The following NDC1 variants were observed in gnomAD, a reference collection of about 807,000 sequenced individuals.
NDC1 encodes the protein nucleoporin NDC1.
In NDC1, 24 loss-of-function variants were observed where a neutral mutation model predicts 89.8. That is an observed-to-expected ratio of 0.27 (90% CI 0.19 to 0.38). The LOEUF is 0.38. NDC1 is among the 10% of genes least tolerant of loss of function. The probability of loss-of-function intolerance (pLI) is 1.00; values close to 1 mark genes in which losing one functional copy is unlikely to be tolerated. For synonymous variants in NDC1, 296 were observed against 284.8 expected (o/e 1.04, Z -0.39); for missense variants, 728 against 797.6 (o/e 0.91, Z 1.05).
intron 16 of NDC1, among the ~76,000 whole-genome samples, chr1:53,785,711 T>C (rs1647286067): frequency 6.6e-6 from 1 of 152,064 alleles, no homozygotes; most frequent in South Asian, 2.1e-4. Context: ...TAGCTGGGAC[T>C]ATAGGTGCGC....
chr1:53,769,722 G>T (rs575574517), intron 17 of NDC1, among the ~76,000 whole-genome samples: 1 of 152,244 alleles, frequency 6.6e-6, no homozygotes, highest in African/African-American at 2.4e-5. Context: ...ACTGCACAGT[G>T]GGCTTTACCT....
chr1:53,777,654 A>G (rs1647173204), intron 16 of NDC1, among the ~76,000 whole-genome samples: 1 of 152,322 alleles, frequency 6.6e-6, no homozygotes, highest in East Asian at 1.9e-4. Context: ...GACTTTTCTC[A>G]CTTTAATTGC....
intron 11 of NDC1, among the ~76,000 whole-genome samples, chr1:53,799,211 T>C: frequency 6.6e-6 from 1 of 152,220 alleles, no homozygotes; most frequent in East Asian, 1.9e-4. Context: ...GGACTCCTTT[T>C]GGACAGATTT....
chr1:53,789,314 A>G (rs553658738), intron 14 of NDC1, 118 bp from the exon 15 acceptor site: 1 of 611,822 alleles, frequency 1.6e-6, no homozygotes, highest in African/African-American at 1.9e-5. Context: ...TCAAGAATTA[A>G]AATTTAAAAT....
intron 5 of NDC1, 50 bp from the exon 6 acceptor site, chr1:53,819,129 C>T (rs1352240344): frequency 1.2e-6 from 1 of 830,736 alleles, no homozygotes; most frequent in South Asian, 1.6e-5. Flanking sequence ...TCAAATGATA[C>T]ACTCAACATC....
At chr1:53,800,655 T>A in intron 11 of NDC1, 38 bp downstream of exon 11, 2 of 1,605,764 alleles carry the variant, frequency 1.2e-6, no homozygotes, top group Non-Finnish European at 1.7e-6. Context: ...GGAAATAAAA[T>A]GTAAATGTTT....
At chr1:53,800,594 G>A (rs1269402018) in intron 11 of NDC1, 99 bp downstream of exon 11, 6 of 1,337,728 alleles carry the variant, frequency 4.5e-6, no homozygotes, top group Non-Finnish European at 5.3e-6. Flanking sequence ...CAAAGTGCGG[G>A]GATAACAGGC....
intron 10 of NDC1, among the ~76,000 whole-genome samples, chr1:53,802,874 A>AT (rs984160450): frequency 6.6e-6 from 1 of 151,586 alleles, no homozygotes. Flanking sequence ...TTTCTTCCTA[A>AT]TTTTTTTTTA....
chr1:53,775,460 T>C (rs1358729988), intron 16 of NDC1, among the ~76,000 whole-genome samples: 1 of 152,086 alleles, frequency 6.6e-6, no homozygotes, highest in Admixed American at 6.5e-5. Context: ...GGTTTCACCA[T>C]ATTGGCCAGG....
At chr1:53,800,880 T>C in intron 10 of NDC1, 32 bp from the exon 11 acceptor site, 2 of 1,534,702 alleles carry the variant, frequency 1.3e-6, no homozygotes, top group South Asian at 2.6e-5. Context: ...TTTTAAAATG[T>C]AAATAATCTT....
intron 11 of NDC1, among the ~76,000 whole-genome samples, chr1:53,798,173 TA>T (rs1272789012): frequency 6.8e-6 from 1 of 147,052 alleles, no homozygotes; most frequent in African/African-American, 2.5e-5. Flanking sequence ...TTATTATTAT[TA>T]TTATTATTAT....
chr1:53,773,992 C>T (rs1350539258), intron 16 of NDC1, among the ~76,000 whole-genome samples: 1 of 152,190 alleles, frequency 6.6e-6, no homozygotes, highest in Non-Finnish European at 1.5e-5. Context: ...TCTAGAGTTA[C>T]TTGGTGCTTC....
chr1:53,812,748 C>T (rs1648352979), intron 6 of NDC1, among the ~76,000 whole-genome samples: 1 of 152,182 alleles, frequency 6.6e-6, no homozygotes, highest in Admixed American at 6.5e-5. Context: ...ACAAGAAGCA[C>T]CAAAGAACAC....
intron 8 of NDC1, 118 bp downstream of exon 8, chr1:53,807,538 G>A: frequency 1.3e-6 from 1 of 747,086 alleles, no homozygotes; most frequent in Non-Finnish European, 2.1e-6. Flanking sequence ...TCAGAAGAGA[G>A]ACCAAAAACC....
chr1:53,811,797 A>G (rs1471211089), intron 6 of NDC1, among the ~76,000 whole-genome samples: 1 of 152,094 alleles, frequency 6.6e-6, no homozygotes, highest in Non-Finnish European at 1.5e-5. Context: ...AGGAGGCCCA[A>G]TCAGCACAAA....
rs182959610 is a variant in NDC1, at chr1:53,837,183, T to C, written c.57+1022A>G. On this transcript the variant is annotated intron_variant, in intron 1 of 17. Transcript: ENST00000371429. ...GATGGCATGCACCTGATGTCCCAAA[T>C]AGTTAGGCGGCTGAGGCAGGAGGAC... is the stretch of plus-strand genomic sequence containing the variant. Among the ~76,000 whole-genome samples, 58 of 152,214 alleles carry C rather than the reference T, an allele frequency of 3.8e-4. No homozygotes were observed. The South Asian group carries it at 6.8e-3, about 18-fold the overall frequency.
rs1647062366 is a variant in NDC1, at chr1:53,765,970, G to C, written c.*2000C>G. ...TGTGTAGATTATCAACACACAATGAGAAAAAGAAACTGACCCCCTTACCTA... is the reference window on the plus strand; with the variant it reads ...TGTGTAGATTATCAACACACAATGACAAAAAGAAACTGACCCCCTTACCTA... On this transcript the variant is annotated 3_prime_UTR_variant, in exon 18 of 18. Transcript: ENST00000371429. The C allele has an allele frequency of 6.6e-6, 1 of 151,818 alleles. No homozygotes were observed. The highest frequency in any genetic ancestry group is 2.4e-5 in the African/African-American group (1 of 41,304). The allele number at this position is 151,818 out of a possible 1,614,324, so 9.4% of individuals were successfully genotyped here.
intron 16 of NDC1, among the ~76,000 whole-genome samples, chr1:53,781,889 G>A (rs182827740): frequency 6.6e-5 from 10 of 152,224 alleles, no homozygotes; most frequent in African/African-American, 2.2e-4. Flanking sequence ...AGAAGTCTTC[G>A]TCCACTGAAC....
chr1:53,778,598 AG>A (rs1647180835), intron 16 of NDC1, among the ~76,000 whole-genome samples: 1 of 151,502 alleles, frequency 6.6e-6, no homozygotes, highest in Non-Finnish European at 1.5e-5. Context: ...TTATTAAAAA[AG>A]AAAAAAAAAA....
Sources: allele counts gnomAD v4.1 joint callset (sites outside exome capture counted in the v4.1 genomes callset), GRCh38; gene constraint gnomAD v4.1.1; transcripts MANE v1.5; gene names NCBI Gene and HGNC (gene_info 2026-07-23, HGNC 2026-07-21).